Variants in FMN2 observed in about 807,000 individuals in gnomAD.
FMN2 encodes formin-2.
In FMN2, 51 loss-of-function variants were observed where a neutral mutation model predicts 142.3. The observed-to-expected ratio is 0.36, with a 90% CI of 0.29 to 0.45. The LOEUF is 0.45. FMN2 is among the 20% of genes least tolerant of loss of function. FMN2 has a pLI of 1.00. For missense variants in FMN2, 1,936 were observed against 2,122.8 expected, an observed-to-expected ratio of 0.91 and a Z score of 1.73; for synonymous variants, 882 against 869.8, an observed-to-expected ratio of 1.01 and a Z score of -0.25.
intron 14 of FMN2, among the ~76,000 whole-genome samples, chr1:240,390,684 G>T (rs975515137): frequency 6.6e-6 from 1 of 152,092 alleles, no homozygotes; most frequent in Non-Finnish European, 1.5e-5. Context: ...ACTGATTATT[G>T]GAGGCACCGT....
intron 8 of FMN2, among the ~76,000 whole-genome samples, chr1:240,323,157 C>A (rs1362306806): frequency 6.9e-6 from 1 of 145,440 alleles, no homozygotes; most frequent in Non-Finnish European, 1.5e-5. Context: ...CTTTCTCTTT[C>A]TCTTTCTCTC....
intron 15 of FMN2, among the ~76,000 whole-genome samples, chr1:240,418,058 CTATT>C (rs1674637784): frequency 6.6e-6 from 1 of 151,920 alleles, no homozygotes; most frequent in African/African-American, 2.4e-5. Context: ...TATTGTCCAT[CTATT>C]TATTTTTACT....
intron 3 of FMN2, among the ~76,000 whole-genome samples, chr1:240,183,799 A>G (rs944194203): frequency 2.6e-5 from 4 of 152,176 alleles, no homozygotes; most frequent in Non-Finnish European, 4.4e-5. Context: ...TCTTGCATTT[A>G]TTAGGCAGCC....
chr1:240,175,031 A>T (rs1377390535), intron 2 of FMN2, among the ~76,000 whole-genome samples: 1 of 152,180 alleles, frequency 6.6e-6, no homozygotes, highest in African/African-American at 2.4e-5. Flanking sequence ...CTTTCTGACA[A>T]TATGAATTTG....
rs573682418 is a variant in FMN2 at position 240,179,307 on chromosome 1, C to G, written c.1930+1239C>G. 3 of 152,266 alleles carry G rather than the reference C, an allele frequency of 2.0e-5. No individual in the cohort carries two copies. The East Asian group carries it at 5.8e-4, about 29-fold the overall frequency. The allele number at this position is 152,266 out of a possible 1,614,324, so 9.4% of individuals were successfully genotyped here. A position where few individuals can be genotyped will look rare whatever the true frequency, so the allele number is the denominator to read the frequency against. On this transcript the variant is annotated intron_variant, in intron 3 of 17. Coordinates refer to ENST00000319653, the MANE Select transcript of FMN2 (RefSeq NM_020066.5). Reference sequence around the variant, plus strand: ...TTATTCCAGTCCCCCACCCAAAGTTCTGCACTTGCCTCCCATTTGCATCCC... The same window carrying G: ...TTATTCCAGTCCCCCACCCAAAGTTGTGCACTTGCCTCCCATTTGCATCCC...
At chr1:240,330,581 T>G in intron 10 of FMN2, 22 bp from the exon 11 acceptor site, 1 of 1,603,172 alleles carries the variant, frequency 6.2e-7, no homozygotes, top group Non-Finnish European at 8.5e-7. Flanking sequence ...AAGTTGTTTT[T>G]TGTTGTTATT....
rs1417955893 is a variant in FMN2 at position 240,469,250 on chromosome 1, A to G, written c.5061-3122A>G. On this transcript the variant is annotated intron_variant, in intron 16 of 17. Transcript: ENST00000319653. ...CAGATGCTACTTCTGAAAGCATCCT[A>G]GAGTGACTAAATCAGAATACCTAAG... 3.9e-5 allele frequency among the ~76,000 whole-genome samples: 6 copies of G among 152,200 alleles called. No individual in the cohort carries two copies. In the East Asian group the frequency reaches 1.2e-3, roughly 29 times the overall value.
intron 12 of FMN2, 68 bp downstream of exon 12, chr1:240,334,014 TTTG>T (rs1671474201): frequency 4.4e-6 from 7 of 1,573,628 alleles, no homozygotes; most frequent in East Asian, 2.3e-5. Flanking sequence ...GGCAGTACTT[TTTG>T]TTGTTGTTTT....
intron 3 of FMN2, among the ~76,000 whole-genome samples, chr1:240,183,029 A>G (rs1019272944): frequency 4.7e-5 from 7 of 149,806 alleles, no homozygotes; most frequent in Non-Finnish European, 7.4e-5. Flanking sequence ...TGATCCTTCC[A>G]CCTCAGCCTC....
chr1:240,299,461 A>C (rs1670115919), intron 8 of FMN2, among the ~76,000 whole-genome samples: 1 of 152,160 alleles, frequency 6.6e-6, no homozygotes, highest in Non-Finnish European at 1.5e-5. Flanking sequence ...CTTAAAAATA[A>C]GGTAATTTCA....
At chr1:240,465,378 G>C (rs1264022117) in intron 16 of FMN2, among the ~76,000 whole-genome samples, 1 of 107,752 alleles carries the variant, frequency 9.3e-6, no homozygotes, top group Non-Finnish European at 1.9e-5. Flanking sequence ...GTGTGTGTGT[G>C]TGTGTGTGTC....
intron 8 of FMN2, among the ~76,000 whole-genome samples, chr1:240,300,957 A>T (rs1670179413): frequency 6.7e-6 from 1 of 150,242 alleles, no homozygotes; most frequent in Non-Finnish European, 1.5e-5. Flanking sequence ...TCTGTGTTTG[A>T]ATTGCATCTC....
chr1:240,390,756 G>A (rs1673579320), intron 14 of FMN2, among the ~76,000 whole-genome samples: 1 of 152,118 alleles, frequency 6.6e-6, no homozygotes, highest in Admixed American at 6.5e-5. Flanking sequence ...TAATTTAAGT[G>A]GCAAAATCAG....
intron 2 of FMN2, among the ~76,000 whole-genome samples, chr1:240,131,706 C>T (rs1228113430): frequency 6.6e-6 from 1 of 150,952 alleles, no homozygotes; most frequent in Non-Finnish European, 1.5e-5. Context: ...GAGACTCTGT[C>T]TCAAAAAGAA....
At chr1:240,122,062 A>AATTAATT (rs1558305793) in intron 1 of FMN2, among the ~76,000 whole-genome samples, 2 of 97,114 alleles carry the variant, frequency 2.1e-5, no homozygotes, top group African/African-American at 3.2e-5. Flanking sequence ...TTTGGATCCA[A>AATTAATT]AATTAATTAA....
intron 2 of FMN2, among the ~76,000 whole-genome samples, chr1:240,173,642 A>G (rs1350301389): frequency 2.0e-5 from 3 of 152,178 alleles, no homozygotes; most frequent in Non-Finnish European, 4.4e-5. Context: ...TTGAAATGAT[A>G]TTTAAGTTGA....
At chr1:240,265,500 C>A (rs1456664) in intron 7 of FMN2, among the ~76,000 whole-genome samples, 98,682 of 151,450 alleles carry the variant, frequency 0.65, 32,417 homozygotes, top group East Asian at 0.84. Context: ...AGATATGTTT[C>A]AATACACAAA....
intron 5 of FMN2, 56 bp from the exon 6 acceptor site, chr1:240,211,035 G>T: frequency 1.3e-6 from 2 of 1,522,258 alleles, no homozygotes; most frequent in South Asian, 1.3e-5. Flanking sequence ...ATTTATGCTT[G>T]CTGTGATGTA....
Position 240,330,695 on chromosome 1 carries a change from G to A in FMN2, c.4530G>A (p.Gln1510=). ...YMNGGNKTRG[Q]ADGFGLDILP... is the part of the protein sequence containing the mutation. Reference sequence around the variant, plus strand: ...ATGGAGGAAATAAGACTCGAGGACAGGCAGATGGCTTTGGATTAGACATTC... The same window carrying A: ...ATGGAGGAAATAAGACTCGAGGACAAGCAGATGGCTTTGGATTAGACATTC... The change falls in exon 11 of 18, where the codon CAG becomes CAA. Residue 1510 remains glutamine, a synonymous_variant. Coordinates refer to ENST00000319653, the MANE Select transcript of FMN2 (RefSeq NM_020066.5). 4.3e-6 allele frequency: 7 copies of A among 1,614,006 alleles called. No homozygotes were observed. Among genetic ancestry groups the A allele is most frequent in the Non-Finnish European group, 5.9e-6 (7 of 1,179,926 alleles).
Sources: gnomAD v4.1 joint callset for allele counts (sites outside exome capture counted in the v4.1 genomes callset) on GRCh38, gnomAD v4.1.1 for gene constraint, MANE v1.5 for transcripts, NCBI Gene and HGNC (gene_info 2026-07-23, HGNC 2026-07-21) for gene names.